Variants in MAGEC3 observed in about 807,000 individuals in gnomAD.
The protein encoded by MAGEC3 is melanoma-associated antigen C3.
MAGEC3 carries 34 observed loss-of-function variants against 35.3 expected under a neutral mutation model. That is an observed-to-expected ratio of 0.96 (90% confidence interval 0.73 to 1.28). The LOEUF (loss-of-function observed/expected upper bound fraction) is 1.28, where lower values mean the gene tolerates loss of function less well. MAGEC3 is among the 50% of genes most tolerant of loss of function. MAGEC3 has a pLI of 0.00. For missense variants in MAGEC3, 561 were observed against 483.6 expected (o/e 1.16, Z -1.50); for synonymous variants, 202 against 185.6 (o/e 1.09, Z -0.72).
Position 141,897,618 on chromosome X carries a change from G to C in MAGEC3, c.1729-11G>C, listed in dbSNP as rs1471052287. The C allele has an allele frequency of 3.3e-6, 4 of 1,199,224 alleles. No homozygotes were observed. Among genetic ancestry groups the C allele is most frequent in the Non-Finnish European group, 4.5e-6 (4 of 890,827 alleles). Reference sequence around the variant, plus strand: ...CTCCTCCACGTTATGAATTTTTGTGGGGTCCAAGAGCCCATTCAGAGGCCA... The same window carrying C: ...CTCCTCCACGTTATGAATTTTTGTGCGGTCCAAGAGCCCATTCAGAGGCCA... On this transcript the variant is annotated splice_polypyrimidine_tract_variant and intron_variant, in intron 7 of 7. Coordinates refer to ENST00000298296, the MANE Select transcript of MAGEC3 (RefSeq NM_138702.1).
chrX:141,842,877 A>T (rs2017694422), intron 1 of MAGEC3, among the ~76,000 whole-genome samples: 1 of 111,372 alleles, frequency 9.0e-6, no homozygotes. Context: ...CATTTATTAG[A>T]CTATAAGTCT....
rs140752145 is a variant in MAGEC3 at position 141,879,413 on chromosome X, G to A, written c.497G>A (p.Trp166Ter). 4.9e-5 allele frequency: 58 copies of A among 1,179,540 alleles called. No homozygotes were observed. The highest frequency in any genetic ancestry group is 5.9e-5 in the Non-Finnish European group (52 of 879,402). Reference sequence around the variant, plus strand: ...GCCGTCAGCCCTGGAAAAAGGTTGTGGGGGGAGAAAGCGGGGAGGTGGGCA... The same window carrying A: ...GCCGTCAGCCCTGGAAAAAGGTTGTAGGGGGAGAAAGCGGGGAGGTGGGCA... ...LPAVSPGKRL[W>*]GEKAGSLPES... Residue 166 changes from tryptophan to a stop codon, truncating the protein, a stop_gained, in exon 3 of 8, where the codon TGG (tryptophan) becomes TAG (stop). Coordinates refer to ENST00000298296, the MANE Select transcript of MAGEC3 (RefSeq NM_138702.1). LOFTEE classifies it high-confidence loss of function.
chrX:141,879,564 G>A, intron 3 of MAGEC3, 133 bp downstream of exon 3: 2 of 801,832 alleles, frequency 2.5e-6, no homozygotes, highest in South Asian at 5.9e-5. Context: ...CAGGAGATGG[G>A]CAGGAAGGGG....
rs745618329 is a variant in MAGEC3 at position 141,897,403 on chromosome X, C to T, written c.1645C>T (p.Leu549=). Residue 549 remains leucine (L), a synonymous_variant, in exon 7 of 8, where the codon CTG becomes TTG. Transcript: ENST00000298296. ...CCAGGGCATGCCCAAGAACTGTCTC[C>T]TGATTCTTATTCTCAGTATGATCTT... ...DDQGMPKNCL[L]ILILSMIFIK... is the part of the protein sequence containing the mutation. 1 of 1,211,732 alleles carries T rather than the reference C, an allele frequency of 8.3e-7. No individual in the cohort carries two copies. Among genetic ancestry groups the T allele is most frequent in the South Asian group, 1.8e-5 (1 of 56,957 alleles).
Position 141,866,171 on chromosome X carries a change from C to T in MAGEC3, c.258+566C>T, listed in dbSNP as rs1251156745. Among the ~76,000 whole-genome samples the T allele has an allele frequency of 2.7e-5, 3 of 111,969 alleles. No individual in the cohort carries two copies. The Admixed American group carries it at 2.8e-4, about 11-fold the overall frequency. ...TTAAAATTGAGGAAGTCTAATATAT[C>T]ATTTTCTTAAATGAATCATGATTTA... On this transcript the variant is annotated intron_variant, in intron 2 of 7. Transcript: ENST00000298296.
At chrX:141,861,000 A>G (rs182774506) in intron 1 of MAGEC3, among the ~76,000 whole-genome samples, 7 of 111,698 alleles carry the variant, frequency 6.3e-5, no homozygotes, top group Non-Finnish European at 1.3e-4. Flanking sequence ...GTTATTATAT[A>G]TATTTCACCA....
At position 141,894,756 on chromosome X, in the gene MAGEC3, C is replaced by T. The variant is rs775484309; in HGVS notation, c.910-513C>T. The T allele has an allele frequency of 4.1e-6, 4 of 969,416 alleles. No individual in the cohort carries two copies. In the South Asian group the frequency reaches 6.0e-5, roughly 14 times the overall value. The allele number at this position is 969,416 out of a possible 1,213,427, so 79.9% of individuals were successfully genotyped here. Reference sequence around the variant, plus strand: ...ACACGGAGGGAAGGCCCAGGCGTCGCCCAGCCACTCCTTGCTGTCACCCCT... The same window carrying T: ...ACACGGAGGGAAGGCCCAGGCGTCGTCCAGCCACTCCTTGCTGTCACCCCT... On this transcript the variant is annotated intron_variant, in intron 4 of 7. Coordinates refer to ENST00000298296, the MANE Select transcript of MAGEC3 (RefSeq NM_138702.1).
chrX:141,892,769 G>A (rs1175326345), intron 4 of MAGEC3, among the ~76,000 whole-genome samples: 1 of 111,659 alleles, frequency 9.0e-6, no homozygotes, highest in Non-Finnish European at 1.9e-5. Context: ...CAAACCCTAG[G>A]TAACCTTGGT....
At chrX:141,877,257 CT>C (rs2017925839) in intron 2 of MAGEC3, among the ~76,000 whole-genome samples, 1 of 111,325 alleles carries the variant, frequency 9.0e-6, no homozygotes, top group Admixed American at 9.5e-5. Context: ...TTTGGTTAAG[CT>C]TTTTTAACCA....
intron 2 of MAGEC3, among the ~76,000 whole-genome samples, chrX:141,875,729 T>C (rs1462091095): frequency 8.9e-6 from 1 of 112,012 alleles, no homozygotes; most frequent in African/African-American, 3.2e-5. Context: ...TGCTCCCTTC[T>C]TGGGACCTCA....
In MAGEC3 at chrX:141,895,406, A is replaced by G. The variant is rs1458869420; in HGVS notation, c.1047A>G (p.Gln349=). The G allele has an allele frequency of 8.3e-7, 1 of 1,207,921 alleles. No individual in the cohort carries two copies. The highest frequency in any genetic ancestry group is 1.1e-6 in the Non-Finnish European group (1 of 894,559). The change falls in exon 5 of 8, where the codon CAA becomes CAG. Residue 349 remains glutamine (Q), a splice_region_variant and synonymous_variant. Coordinates refer to ENST00000298296, the MANE Select transcript of MAGEC3 (RefSeq NM_138702.1). ...EGSVLDLANP[Q]GLAGHRQEDG... ...GCGTCTTAGACCTGGCCAATCCTCA[A>G]GGTAAGGGCCCTAAGGGAGAACTGA...
At chrX:141,890,186 G>A (rs1437944914) in intron 4 of MAGEC3, among the ~76,000 whole-genome samples, 1 of 110,760 alleles carries the variant, frequency 9.0e-6, no homozygotes, top group Non-Finnish European at 1.9e-5. Context: ...AGAGAACCCT[G>A]ACTAATACAT....
intron 3 of MAGEC3, among the ~76,000 whole-genome samples, chrX:141,881,178 T>TTCC (rs1216205198): frequency 4.5e-5 from 5 of 110,032 alleles, no homozygotes; most frequent in African/African-American, 1.3e-4. Flanking sequence ...CTTTCTCCTC[T>TTCC]TCCTCCTCCT....
chrX:141,839,507 T>C, intron 1 of MAGEC3: 1 of 754,353 alleles, frequency 1.3e-6, no homozygotes, highest in Non-Finnish European at 1.6e-6. Context: ...TGATCTTTGC[T>C]ATTGTCTTGG....
intron 6 of MAGEC3, chrX:141,896,528 A>G (rs2018096396): frequency 2.5e-6 from 3 of 1,189,407 alleles, no homozygotes; most frequent in Admixed American, 2.3e-5. Flanking sequence ...CTTTGTCAGA[A>G]CCATCATAGG....
intron 1 of MAGEC3, among the ~76,000 whole-genome samples, chrX:141,840,667 A>G (rs2124077509): frequency 9.0e-6 from 1 of 110,838 alleles, no homozygotes; most frequent in Non-Finnish European, 1.9e-5. Context: ...ACTGTTCAGC[A>G]TTTATTTTCT....
chrX:141,870,021 A>G (rs951181272), intron 2 of MAGEC3, among the ~76,000 whole-genome samples: 1 of 111,618 alleles, frequency 9.0e-6, no homozygotes, highest in African/African-American at 3.3e-5. Flanking sequence ...GGGTTAGGAA[A>G]GACAACCTTG....
chrX:141,839,802 C>A, intron 1 of MAGEC3: 1 of 600,901 alleles, frequency 1.7e-6, no homozygotes, highest in Non-Finnish European at 2.0e-6. Flanking sequence ...GGGATACTTG[C>A]CAATATCTAG....
At position 141,865,625 on chromosome X, in the gene MAGEC3, A is replaced by G. The variant is rs1474480582; in HGVS notation, c.258+20A>G. ...TTCAAGGTAAGGACTCTAAGGAAAG[A>G]CTGAGGGGACCTCCTGCCACAGATA... On this transcript the variant is annotated intron_variant, in intron 2 of 7. Coordinates refer to ENST00000298296, the MANE Select transcript of MAGEC3 (RefSeq NM_138702.1). 1.7e-6 allele frequency: 2 copies of G among 1,191,297 alleles called. No homozygotes were observed. The highest frequency in any genetic ancestry group is 2.3e-6 in the Non-Finnish European group (2 of 884,368).
Sources: gnomAD v4.1 joint callset for allele counts (sites outside exome capture counted in the v4.1 genomes callset) on GRCh38, gnomAD v4.1.1 for gene constraint, MANE v1.5 for transcripts, NCBI Gene and HGNC (gene_info 2026-07-23, HGNC 2026-07-21) for gene names.